Variants in CEP290 observed in about 807,000 individuals in gnomAD.
CEP290 encodes the protein centrosomal protein of 290 kDa.
In CEP290, 317 loss-of-function variants were observed where a neutral mutation model predicts 344.9. That is an observed-to-expected ratio of 0.92 (90% CI 0.84 to 1.01). CEP290 has a LOEUF of 1.01. Among genes scored for constraint, CEP290 ranks in the 50% least tolerant of loss-of-function variants. The probability of loss-of-function intolerance (pLI) is 0.00; values close to 1 mark genes in which losing one functional copy is unlikely to be tolerated. For synonymous variants in CEP290, 932 were observed against 895.8 expected (o/e 1.04, Z -0.72); for missense variants, 2,754 against 2,761.4 (o/e 1.00, Z 0.06).
At chr12:88,106,551 T>C (rs1041063854) in intron 25 of CEP290, 124 bp downstream of exon 25, 1 of 622,510 alleles carries the variant, frequency 1.6e-6, no homozygotes, top group African/African-American at 1.9e-5. Context: ...AAGAAGCAAT[T>C]ATGACAAAAT....
At position 88,130,304 on chromosome 12, in the gene CEP290, T is replaced by C. The variant is rs1359904137; in HGVS notation, c.633A>G (p.Lys211=). The change falls in exon 9 of 54, where the codon AAA becomes AAG. Residue 211 remains lysine (K), a synonymous_variant. Coordinates refer to ENST00000552810, the MANE Select transcript of CEP290 (RefSeq NM_025114.4). The part of the protein sequence containing the change: ...DSDYRSQLSK[K]NYELIQYLDE... ...CAAGATATTGGATAAGCTCATAGTT[T>C]TTTTTAGACAACTGTGATCGGTAGT... 6.2e-7 allele frequency: 1 copy of C among 1,606,662 alleles called. No homozygotes were observed. The highest frequency in any genetic ancestry group is 1.1e-5 in the South Asian group (1 of 88,910).
intron 27 of CEP290, among the ~76,000 whole-genome samples, chr12:88,095,723 A>G (rs2037376423): frequency 6.6e-6 from 1 of 152,224 alleles, no homozygotes; most frequent in Non-Finnish European, 1.5e-5. Flanking sequence ...AAAACCTTGA[A>G]TAGCTCTAAC....
intron 6 of CEP290, among the ~76,000 whole-genome samples, chr12:88,132,211 G>A (rs1057337096): frequency 6.6e-6 from 1 of 152,090 alleles, no homozygotes; most frequent in Non-Finnish European, 1.5e-5. Context: ...ACATTATGAT[G>A]CCTTTTTTCA....
At chr12:88,125,027 A>G (rs920909164) in intron 13 of CEP290, among the ~76,000 whole-genome samples, 7 of 152,110 alleles carry the variant, frequency 4.6e-5, no homozygotes, top group Admixed American at 2.0e-4. Context: ...ACGTTAATGT[A>G]ATTTTCACCA....
At chr12:88,114,145 A>G (rs148693577) in intron 20 of CEP290, among the ~76,000 whole-genome samples, 2 of 152,208 alleles carry the variant, frequency 1.3e-5, no homozygotes, top group South Asian at 2.1e-4. Context: ...AAGTCGGTGT[A>G]AAAAACTCCT....
intron 52 of CEP290, among the ~76,000 whole-genome samples, chr12:88,053,386 G>C (rs993364295): frequency 6.6e-6 from 1 of 152,100 alleles, no homozygotes; most frequent in African/African-American, 2.4e-5. Context: ...GCTTAGCACT[G>C]TATTGTGATT....
intron 12 of CEP290, among the ~76,000 whole-genome samples, chr12:88,125,636 C>A (rs2039686606): frequency 6.6e-6 from 1 of 151,988 alleles, no homozygotes; most frequent in African/African-American, 2.4e-5. Flanking sequence ...GGCTTCTATA[C>A]TTCCTTATAT....
At chr12:88,074,638 T>G (rs935141111) in intron 41 of CEP290, among the ~76,000 whole-genome samples, 3 of 152,158 alleles carry the variant, frequency 2.0e-5, no homozygotes, top group African/African-American at 7.2e-5. Context: ...TCTCTGACCT[T>G]CTCCCATCCT....
rs777464278 is a variant in CEP290, at chr12:88,083,955, C to A, written c.4705-1G>T. On this transcript the variant is annotated splice_acceptor_variant, in intron 35 of 53. Transcript: ENST00000552810. LOFTEE classifies it high-confidence loss of function. ...GTTTCTTCACAATTTCTCTTTGCTC[C>A]TGTTTTACAGAAAATCGAAACTATA... 6.4e-6 allele frequency: 10 copies of A among 1,568,840 alleles called. No individual in the cohort carries two copies. The Admixed American group carries it at 1.3e-4, about 20-fold the overall frequency.
chr12:88,130,150 A>T, intron 9 of CEP290, 118 bp downstream of exon 9: 1 of 1,073,772 alleles, frequency 9.3e-7, no homozygotes, highest in Non-Finnish European at 1.3e-6. Flanking sequence ...TTTTACAAGT[A>T]CATAGTGACA....
chr12:88,085,445 A>C (rs2036507585), intron 34 of CEP290, among the ~76,000 whole-genome samples: 2 of 152,122 alleles, frequency 1.3e-5, no homozygotes, highest in African/African-American at 4.8e-5. Context: ...CGTTTCCTGA[A>C]ATGATTAAAA....
chr12:88,087,703 G>C (rs910551899), intron 32 of CEP290, 77 bp downstream of exon 32: 1 of 473,366 alleles, frequency 2.1e-6, no homozygotes, highest in Non-Finnish European at 3.0e-6. Flanking sequence ...CTGGGCGACA[G>C]AGTGAGACTC....
Position 88,068,527 on chromosome 12 carries a change from G to T in CEP290, c.6130C>A (p.Pro2044Thr). The change falls in exon 44 of 54, where the codon CCT (proline) becomes ACT (threonine). Residue 2044 changes from proline (P) to threonine (T), a missense_variant. Transcript: ENST00000552810. ...KQFSKDTYSK[P>T]SISGIESDDH... ...AATAAAAGATATACACTTACTGAAGGCTTAGAATATGTATCCTTTGAAAAC... is the reference window on the plus strand; with the variant it reads ...AATAAAAGATATACACTTACTGAAGTCTTAGAATATGTATCCTTTGAAAAC... 1 of 1,526,654 alleles carries T rather than the reference G, an allele frequency of 6.6e-7. No homozygotes were observed. Among genetic ancestry groups the T allele is most frequent in the Non-Finnish European group, 8.8e-7 (1 of 1,133,788 alleles). 94.6% of individuals were successfully genotyped at this position (1,526,654 alleles called of 1,614,324 possible).
rs958209779 is a variant in CEP290 at position 88,129,019 on chromosome 12, T to C, written c.869A>G (p.Asp290Gly). ...TTCTTCATTTTTTGATTTCAGAAGA[T>C]CTGTAAGCTCCTGCACCTAAAAGAC... ...HYQLQVQELT[D>G]LLKSKNEEDD... The change falls in exon 11 of 54, where the codon GAT (aspartate) becomes GGT (glycine). Residue 290 changes from aspartate to glycine, a missense_variant. Asp to Gly is a moderately conservative substitution (Grantham distance 94, BLOSUM62 -1). Transcript: ENST00000552810. The C allele has an allele frequency of 3.3e-6, 5 of 1,509,386 alleles. No individual in the cohort carries two copies. The highest frequency in any genetic ancestry group is 4.4e-6 in the Non-Finnish European group (5 of 1,141,260). 93.5% of individuals were successfully genotyped at this position (1,509,386 alleles called of 1,614,324 possible).
chr12:88,095,749 A>T, intron 27 of CEP290, among the ~76,000 whole-genome samples: 1 of 152,238 alleles, frequency 6.6e-6, no homozygotes. Flanking sequence ...GGAAACAAAT[A>T]CATGAAAATA....
At chr12:88,113,863 C>T (rs762257588) in intron 20 of CEP290, among the ~76,000 whole-genome samples, 4 of 151,872 alleles carry the variant, frequency 2.6e-5, no homozygotes, top group Admixed American at 6.6e-5. Context: ...GATCTACACT[C>T]CCATAAATAA....
chr12:88,062,329 T>C (rs2034541453), intron 46 of CEP290, among the ~76,000 whole-genome samples: 1 of 152,108 alleles, frequency 6.6e-6, no homozygotes, highest in Non-Finnish European at 1.5e-5. Flanking sequence ...ACAATGTAAT[T>C]ATAAAACATT....
intron 6 of CEP290, among the ~76,000 whole-genome samples, chr12:88,134,588 T>C (rs968607342): frequency 2.0e-5 from 3 of 152,220 alleles, no homozygotes; most frequent in Non-Finnish European, 4.4e-5. Context: ...GCACAGACTC[T>C]TGAGTAAGAC....
At chr12:88,120,915 G>T in intron 14 of CEP290, 82 bp downstream of exon 14, 1 of 1,096,578 alleles carries the variant, frequency 9.1e-7, no homozygotes, top group Non-Finnish European at 1.3e-6. Context: ...TTTTTAAATG[G>T]TATGCAGTAA....
Sources: allele counts gnomAD v4.1 joint callset (sites outside exome capture counted in the v4.1 genomes callset), GRCh38; gene constraint gnomAD v4.1.1; transcripts MANE v1.5; gene names NCBI Gene and HGNC (gene_info 2026-07-23, HGNC 2026-07-21).